Variants in SLC24A2 observed in about 807,000 individuals in gnomAD.
SLC24A2 encodes the protein solute carrier family 24 member 2.
SLC24A2 carries 36 observed loss-of-function variants against 62.0 expected under a neutral mutation model. The ratio of observed to expected loss-of-function variants is 0.58; its 90% CI spans 0.44 to 0.77. The LOEUF is 0.77. SLC24A2 is among the 30% of genes least tolerant of loss of function. SLC24A2 has a pLI of 0.00. For synonymous variants in SLC24A2, 358 were observed against 294.0 expected, an observed-to-expected ratio of 1.22 and a Z score of -2.23; for missense variants, 846 against 817.9, an observed-to-expected ratio of 1.03 and a Z score of -0.42.
chr9:19,829,763 ATATGTGTGTGTGTGTG>A, the SLC24A2 span, among the ~76,000 whole-genome samples: 20 of 76,146 alleles, frequency 2.6e-4, no homozygotes, highest in Non-Finnish European at 4.4e-4. Flanking sequence ...TTTTATATAT[ATATGTGTGTGTGTGTG>A]TGTGTGTGTG....
At chr9:20,025,001 C>G in the SLC24A2 span, among the ~76,000 whole-genome samples, 3 of 152,112 alleles carry the variant, frequency 2.0e-5, no homozygotes, top group African/African-American at 7.2e-5. Context: ...CAGTGGTGTT[C>G]AAAGCTTTTT....
chr9:19,906,675 T>G, the SLC24A2 span, among the ~76,000 whole-genome samples: 1 of 152,070 alleles, frequency 6.6e-6, no homozygotes, highest in Non-Finnish European at 1.5e-5. Flanking sequence ...AAATACAAAC[T>G]ACCATCAGAG....
At chr9:19,917,532 A>C in the SLC24A2 span, among the ~76,000 whole-genome samples, 1 of 151,878 alleles carries the variant, frequency 6.6e-6, no homozygotes, top group Non-Finnish European at 1.5e-5. Flanking sequence ...CAATCTCTCT[A>C]TTTTTATGAA....
intron 2 of SLC24A2, among the ~76,000 whole-genome samples, 158 bp from the exon 3 acceptor site, chr9:19,622,457 A>G (rs1817931242): frequency 1.3e-5 from 2 of 152,224 alleles, no homozygotes; most frequent in Admixed American, 6.6e-5. Flanking sequence ...CTAAGGATGT[A>G]TATTTTTAGC....
chr9:19,993,702 T>A, the SLC24A2 span, among the ~76,000 whole-genome samples: 1 of 152,078 alleles, frequency 6.6e-6, no homozygotes, highest in East Asian at 1.9e-4. Context: ...GGTCTGAGAG[T>A]GTGCAGGAGA....
the SLC24A2 span, among the ~76,000 whole-genome samples, chr9:20,084,841 T>A: frequency 6.6e-6 from 1 of 152,168 alleles, no homozygotes; most frequent in African/African-American, 2.4e-5. Context: ...AGAAAAAAAA[T>A]TCTTCTTTTC....
chr9:20,302,441 T>G, the SLC24A2 span, among the ~76,000 whole-genome samples: 11 of 152,348 alleles, frequency 7.2e-5, no homozygotes, highest in East Asian at 2.1e-3. Context: ...AGGTATGTAA[T>G]GGTATCTCAT....
intron 2 of SLC24A2, among the ~76,000 whole-genome samples, chr9:19,732,560 A>T (rs899689753): frequency 6.6e-6 from 1 of 152,206 alleles, no homozygotes; most frequent in Admixed American, 6.5e-5. Flanking sequence ...AGAAAGATTC[A>T]ATCAAGCTAA....
intron 2 of SLC24A2, among the ~76,000 whole-genome samples, chr9:19,627,953 A>G (rs909835656): frequency 6.6e-6 from 1 of 152,216 alleles, no homozygotes; most frequent in African/African-American, 2.4e-5. Context: ...CATTCCAAAT[A>G]ATTATCTTGT....
chr9:20,174,162 C>T, the SLC24A2 span, among the ~76,000 whole-genome samples: 1 of 151,972 alleles, frequency 6.6e-6, no homozygotes, highest in Non-Finnish European at 1.5e-5. Context: ...GAGAATGAAA[C>T]TAGATCCTCA....
chr9:20,266,868 A>G, the SLC24A2 span, among the ~76,000 whole-genome samples: 1 of 152,146 alleles, frequency 6.6e-6, no homozygotes, highest in East Asian at 1.9e-4. Flanking sequence ...ACTTGAGGCC[A>G]GAAGTTTGAG....
At chr9:19,612,909 T>G (rs1047490812) in intron 4 of SLC24A2, among the ~76,000 whole-genome samples, 2 of 152,198 alleles carry the variant, frequency 1.3e-5, no homozygotes, top group African/African-American at 4.8e-5. Context: ...TGGGATCTTC[T>G]GTGTTTGGTT....
the SLC24A2 span, among the ~76,000 whole-genome samples, chr9:20,122,782 T>C: frequency 6.6e-6 from 1 of 152,340 alleles, no homozygotes; most frequent in South Asian, 2.1e-4. Context: ...TGAAATTAAA[T>C]CTTCCTGTCT....
intron 2 of SLC24A2, among the ~76,000 whole-genome samples, chr9:19,730,493 G>A (rs1020360067): frequency 2.0e-5 from 3 of 152,018 alleles, no homozygotes; most frequent in African/African-American, 4.8e-5. Flanking sequence ...ACCAGTAGGC[G>A]AACAGTTAAA....
chr9:19,636,315 TTTTCTTTC>T (rs72137164), intron 2 of SLC24A2, among the ~76,000 whole-genome samples: 3 of 40,318 alleles, frequency 7.4e-5, no homozygotes, highest in Non-Finnish European at 1.4e-4. Context: ...TTTTCTTTTC[TTTTCTTTC>T]TTTCTTTCTT....
intron 2 of SLC24A2, among the ~76,000 whole-genome samples, chr9:19,677,355 C>T (rs1819589958): frequency 6.6e-6 from 1 of 152,170 alleles, no homozygotes; most frequent in African/African-American, 2.4e-5. Flanking sequence ...CACATGTTCT[C>T]ACTTACAAGT....
chr9:19,824,120 T>G, the SLC24A2 span, among the ~76,000 whole-genome samples: 4 of 152,126 alleles, frequency 2.6e-5, no homozygotes, highest in African/African-American at 9.7e-5. Context: ...GGACAAGGAC[T>G]TCATGTCTAA....
the SLC24A2 span, among the ~76,000 whole-genome samples, chr9:19,848,276 A>G: frequency 3.9e-5 from 6 of 152,208 alleles, no homozygotes; most frequent in African/African-American, 1.4e-4. Flanking sequence ...TGATAGAGGA[A>G]GAGGTTTAAA....
the SLC24A2 span, among the ~76,000 whole-genome samples, chr9:20,038,272 A>G: frequency 3.7e-4 from 56 of 152,346 alleles, no homozygotes; most frequent in Admixed American, 2.4e-3. Flanking sequence ...TTAAGTGAAG[A>G]TAATAAGACA....
Sources: gnomAD v4.1 joint callset for allele counts (sites outside exome capture counted in the v4.1 genomes callset) on GRCh38, gnomAD v4.1.1 for gene constraint, MANE v1.5 for transcripts, NCBI Gene and HGNC (gene_info 2026-07-23, HGNC 2026-07-21) for gene names.